The following CEP83 variants were observed in gnomAD, a reference collection of about 807,000 sequenced individuals.
CEP83 encodes centrosomal protein of 83 kDa.
CEP83 carries 70 observed loss-of-function variants against 101.9 expected under a neutral mutation model. The ratio of observed to expected loss-of-function variants is 0.69; its 90% CI spans 0.57 to 0.84. The LOEUF (loss-of-function observed/expected upper bound fraction) is 0.84. Ranked by LOEUF, CEP83 falls within the 40% of genes least tolerant of loss-of-function variation. The pLI is 0.00. For synonymous variants in CEP83, 264 were observed against 267.9 expected (o/e 0.99, Z 0.14); for missense variants, 715 against 787.2 (o/e 0.91, Z 1.10).
intron 9 of CEP83, chr12:94,368,425 T>C: frequency 2.2e-6 from 1 of 458,436 alleles, no homozygotes; most frequent in South Asian, 3.9e-5. Flanking sequence ...ATTTAGTGCA[T>C]ACACATATAA....
intron 2 of CEP83, among the ~76,000 whole-genome samples, chr12:94,413,486 T>C (rs1043207000): frequency 1.3e-5 from 2 of 152,182 alleles, no homozygotes; most frequent in African/African-American, 4.8e-5. Flanking sequence ...CTAGGGAGAA[T>C]CAAGGTCTTC....
chr12:94,386,935 A>C (rs1467442763), intron 6 of CEP83, among the ~76,000 whole-genome samples: 1 of 152,260 alleles, frequency 6.6e-6, no homozygotes, highest in African/African-American at 2.4e-5. Context: ...AACAGAATAC[A>C]GTAACCAGAA....
At chr12:94,412,116 T>C (rs1256107021) in intron 3 of CEP83, among the ~76,000 whole-genome samples, 1 of 152,186 alleles carries the variant, frequency 6.6e-6, no homozygotes, top group Non-Finnish European at 1.5e-5. Flanking sequence ...AAATAAGGCT[T>C]ATAAATTCAT....
At chr12:94,434,995 C>T (rs1243949229) in intron 2 of CEP83, among the ~76,000 whole-genome samples, 1 of 152,210 alleles carries the variant, frequency 6.6e-6, no homozygotes. Context: ...AGTCCCTTCA[C>T]TTGAACTGAA....
intron 1 of CEP83, among the ~76,000 whole-genome samples, chr12:94,454,095 CAA>C (rs200038665): frequency 2.8e-4 from 28 of 100,386 alleles, no homozygotes; most frequent in Admixed American, 4.3e-4. Context: ...GACTATGTCT[CAA>C]AAAAAAAAAA....
intron 1 of CEP83, among the ~76,000 whole-genome samples, chr12:94,456,281 CAG>C: frequency 6.6e-6 from 1 of 152,132 alleles, no homozygotes; most frequent in Non-Finnish European, 1.5e-5. Context: ...TTTCTAGGAA[CAG>C]AATCTTTATT....
At chr12:94,346,800 T>C (rs575587532) in intron 11 of CEP83, among the ~76,000 whole-genome samples, 11 of 152,262 alleles carry the variant, frequency 7.2e-5, no homozygotes, top group African/African-American at 2.6e-4. Context: ...TGTGTTGTGG[T>C]GTGAAAACAC....
intron 2 of CEP83, among the ~76,000 whole-genome samples, chr12:94,426,536 A>C: frequency 6.6e-6 from 1 of 152,224 alleles, no homozygotes; most frequent in East Asian, 1.9e-4. Flanking sequence ...TCACCATTCT[A>C]ATGCTACTTT....
At chr12:94,274,736 C>G in the CEP83 span, among the ~76,000 whole-genome samples, 1 of 152,208 alleles carries the variant, frequency 6.6e-6, no homozygotes, top group Non-Finnish European at 1.5e-5. Context: ...GGCAGGATCA[C>G]CGAGTGTTTA....
intron 11 of CEP83, among the ~76,000 whole-genome samples, chr12:94,363,264 G>A (rs2060863165): frequency 6.6e-6 from 1 of 152,148 alleles, no homozygotes; most frequent in African/African-American, 2.4e-5. Flanking sequence ...CATTGTATAC[G>A]TGAATCAAAA....
At chr12:94,433,352 C>A (rs189744908) in intron 2 of CEP83, among the ~76,000 whole-genome samples, 7 of 152,188 alleles carry the variant, frequency 4.6e-5, no homozygotes, top group Non-Finnish European at 8.8e-5. Context: ...AGGGCCTTAA[C>A]TAAGACAGTA....
At chr12:94,328,468 C>T (rs1036642928) in intron 14 of CEP83, among the ~76,000 whole-genome samples, 7 of 152,182 alleles carry the variant, frequency 4.6e-5, no homozygotes, top group African/African-American at 1.7e-4. Context: ...GAACTTTTCA[C>T]AGGAAAGCAA....
intron 11 of CEP83, among the ~76,000 whole-genome samples, chr12:94,347,364 C>T (rs571407269): frequency 6.6e-6 from 1 of 152,136 alleles, no homozygotes; most frequent in East Asian, 1.9e-4. Context: ...CATGTTACAA[C>T]ATATCCAATT....
At chr12:94,375,807 T>G (rs1222199367) in intron 8 of CEP83, 79 bp downstream of exon 8, 2 of 724,062 alleles carry the variant, frequency 2.8e-6, no homozygotes, top group Admixed American at 7.7e-5. Flanking sequence ...TATAAAGAAA[T>G]CAATTATTAA....
At chr12:94,299,698 T>G in the CEP83 span, among the ~76,000 whole-genome samples, 1 of 152,146 alleles carries the variant, frequency 6.6e-6, no homozygotes, top group African/African-American at 2.4e-5. Context: ...TAGCTGGAAT[T>G]ACACGAGCAT....
chr12:94,350,762 G>C (rs766204711), intron 11 of CEP83, among the ~76,000 whole-genome samples: 2 of 152,022 alleles, frequency 1.3e-5, no homozygotes, highest in Non-Finnish European at 2.9e-5. Context: ...AGAATATACA[G>C]AGAAAAACTA....
chr12:94,286,724 T>G, the CEP83 span, among the ~76,000 whole-genome samples: 1 of 152,032 alleles, frequency 6.6e-6, no homozygotes, highest in African/African-American at 2.4e-5. Context: ...TAGTTAGGTT[T>G]TAAAGTTAAT....
chr12:94,379,518 T>C (rs564039596), intron 6 of CEP83, among the ~76,000 whole-genome samples: 1 of 152,188 alleles, frequency 6.6e-6, no homozygotes, highest in African/African-American at 2.4e-5. Context: ...GCAAATGTGA[T>C]TGATGAGAGT....
At chr12:94,365,187 A>G (rs1477089785) in intron 11 of CEP83, among the ~76,000 whole-genome samples, 4 of 152,238 alleles carry the variant, frequency 2.6e-5, no homozygotes, top group Admixed American at 2.0e-4. Flanking sequence ...AAAACCAAGT[A>G]TAATAGGGAA....
Sources: gnomAD v4.1 joint callset for allele counts (sites outside exome capture counted in the v4.1 genomes callset) on GRCh38, gnomAD v4.1.1 for gene constraint, MANE v1.5 for transcripts, NCBI Gene and HGNC (gene_info 2026-07-23, HGNC 2026-07-21) for gene names.